ATP8A2: variants seen among roughly 807,000 people sequenced by gnomAD.
The protein encoded by ATP8A2 is ATPase phospholipid transporting 8A2, also known as phospholipid-transporting ATPase IB.
A neutral mutation model predicts 165.6 loss-of-function variants in ATP8A2; 100 were observed. That is an observed-to-expected ratio of 0.60 (90% confidence interval 0.51 to 0.71). The LOEUF (loss-of-function observed/expected upper bound fraction) is 0.71. Among genes scored for constraint, ATP8A2 ranks in the 30% least tolerant of loss-of-function variants. ATP8A2 has a pLI of 0.00. For missense variants in ATP8A2, 1,227 were observed against 1,479.5 expected (o/e 0.83, Z 2.80); for synonymous variants, 543 against 548.8 (o/e 0.99, Z 0.15).
chr13:25,942,592 T>C (rs1388083834), intron 33 of ATP8A2, among the ~76,000 whole-genome samples: 1 of 152,172 alleles, frequency 6.6e-6, no homozygotes, highest in Admixed American at 6.5e-5. Context: ...CCAGCTAATT[T>C]TTTGTGTTTT....
intron 2 of ATP8A2, among the ~76,000 whole-genome samples, chr13:25,525,157 T>C (rs2037802620): frequency 6.6e-6 from 1 of 152,178 alleles, no homozygotes; most frequent in Admixed American, 6.5e-5. Context: ...CAGAAAGGAA[T>C]AGAAACAATA....
chr13:25,926,569 T>C (rs1476354304), intron 33 of ATP8A2, among the ~76,000 whole-genome samples: 1 of 152,206 alleles, frequency 6.6e-6, no homozygotes, highest in Non-Finnish European at 1.5e-5. Flanking sequence ...TAATAGGTGT[T>C]CAATGGCTGT....
chr13:26,012,582 G>A lies in ATP8A2; in HGVS notation c.3429G>A (p.Pro1143=), dbSNP rs1450040248. The A allele has an allele frequency of 6.5e-7, 1 of 1,528,450 alleles. No individual in the cohort carries two copies. Among genetic ancestry groups the A allele is most frequent in the Non-Finnish European group, 8.8e-7 (1 of 1,138,024 alleles). The allele number at this position is 1,528,450 out of a possible 1,614,324, so 94.7% of individuals were successfully genotyped here. The change falls in exon 36 of 37, where the codon CCG becomes CCA. Residue 1143 remains proline (P), a synonymous_variant. Transcript: ENST00000381655. ...LIKRLGRKTP[P]TLFRGSSLQQ... Reference sequence around the variant, plus strand: ...AGAGGCTGGGCCGGAAGACGCCCCCGACGCTGTTCCGGGGCAGCTCCCTGC... The same window carrying A: ...AGAGGCTGGGCCGGAAGACGCCCCCAACGCTGTTCCGGGGCAGCTCCCTGC...
intron 35 of ATP8A2, among the ~76,000 whole-genome samples, chr13:25,984,475 A>G (rs1332809226): frequency 6.6e-6 from 1 of 151,972 alleles, no homozygotes; most frequent in South Asian, 2.1e-4. Flanking sequence ...GTGGTGGTGC[A>G]CACCTGTAAT....
intron 2 of ATP8A2, among the ~76,000 whole-genome samples, chr13:25,487,247 C>T (rs987197947): frequency 6.6e-6 from 1 of 152,098 alleles, no homozygotes; most frequent in African/African-American, 2.4e-5. Flanking sequence ...CTGTCATGTA[C>T]CTCTCATTTC....
Position 25,918,175 on chromosome 13 carries a change from A to G in ATP8A2, c.3184-43400A>G, listed in dbSNP as rs549146743. Among the ~76,000 whole-genome samples the G allele has an allele frequency of 1.2e-4, 18 of 152,340 alleles. No individual in the cohort carries two copies. In the South Asian group the frequency reaches 1.9e-3, roughly 16 times the overall value. ...GGAGCATTTCAGAAATAAAAGGGCA[A>G]TGGTGCAGCTTGAAGGATAGGCTTC... On this transcript the variant is annotated intron_variant, in intron 33 of 36. Coordinates refer to ENST00000381655, the MANE Select transcript of ATP8A2 (RefSeq NM_016529.6).
rs147663872 is a variant in ATP8A2, at chr13:25,606,422, C to T, written c.2211+16723C>T. Among the ~76,000 whole-genome samples, 765 of 152,280 alleles carry T rather than the reference C, an allele frequency of 5.0e-3. 8 individuals carry two copies. The highest frequency in any genetic ancestry group is 0.02 in the South Asian group (98 of 4,828). On this transcript the variant is annotated intron_variant, in intron 24 of 36. Coordinates refer to ENST00000381655, the MANE Select transcript of ATP8A2 (RefSeq NM_016529.6). The stretch of plus-strand genomic sequence containing the variant: ...ATTGGCAGGTAAAAACTAAAGCCTA[C>T]TCTATAAGTTGGAACATGGTTATTA...
intron 1 of ATP8A2, among the ~76,000 whole-genome samples, chr13:25,465,705 T>C (rs867341690): frequency 4.8e-5 from 1 of 20,986 alleles, no homozygotes; most frequent in African/African-American, 1.3e-4. Flanking sequence ...CTTTCTTTCT[T>C]TCTTTCTTTC....
chr13:25,923,697 A>T (rs1200000618), intron 33 of ATP8A2, among the ~76,000 whole-genome samples: 6 of 152,108 alleles, frequency 3.9e-5, no homozygotes, highest in Non-Finnish European at 8.8e-5. Context: ...AAAATAATAA[A>T]AAAAAATGGA....
chr13:25,577,423 A>G (rs1165481448), intron 20 of ATP8A2, among the ~76,000 whole-genome samples: 6 of 152,232 alleles, frequency 3.9e-5, no homozygotes, highest in Admixed American at 3.9e-4. Context: ...TTCTTATTCC[A>G]GTTTTACCAG....
intron 34 of ATP8A2, among the ~76,000 whole-genome samples, chr13:25,966,314 C>T (rs965054373): frequency 6.6e-6 from 1 of 152,242 alleles, no homozygotes; most frequent in Admixed American, 6.5e-5. Flanking sequence ...CAAACGCCAG[C>T]TCCTGGTAAG....
At chr13:25,936,946 G>A (rs562357544) in intron 33 of ATP8A2, among the ~76,000 whole-genome samples, 6 of 152,254 alleles carry the variant, frequency 3.9e-5, no homozygotes, top group African/African-American at 1.4e-4. Flanking sequence ...TCCGCTTATT[G>A]AAGCAGCAGA....
chr13:25,866,780 A>G (rs1438641574), intron 33 of ATP8A2, among the ~76,000 whole-genome samples: 1 of 152,214 alleles, frequency 6.6e-6, no homozygotes, highest in East Asian at 1.9e-4. Flanking sequence ...CTGCTTTAAA[A>G]CACCTAAAAT....
intron 27 of ATP8A2, among the ~76,000 whole-genome samples, chr13:25,816,925 C>T (rs1951036908): frequency 6.6e-6 from 1 of 152,088 alleles, no homozygotes; most frequent in Non-Finnish European, 1.5e-5. Flanking sequence ...ATCTTACTGT[C>T]AATAAGTTAA....
chr13:25,887,310 A>G (rs181628744), intron 33 of ATP8A2, among the ~76,000 whole-genome samples: 2 of 152,124 alleles, frequency 1.3e-5, no homozygotes, highest in South Asian at 2.1e-4. Flanking sequence ...ATGACATCAG[A>G]TCATAAGGAA....
chr13:25,880,680 A>G (rs1383642645), intron 33 of ATP8A2, among the ~76,000 whole-genome samples: 1 of 152,190 alleles, frequency 6.6e-6, no homozygotes, highest in East Asian at 1.9e-4. Flanking sequence ...TTCCATTCCC[A>G]GGAGCTACTA....
chr13:25,954,412 G>C (rs1221349794), intron 33 of ATP8A2, among the ~76,000 whole-genome samples: 5 of 152,212 alleles, frequency 3.3e-5, no homozygotes, highest in Admixed American at 3.3e-4. Context: ...CTGGGGGAAG[G>C]GGCAGCTGTG....
chr13:25,555,180 C>A, intron 13 of ATP8A2, 112 bp downstream of exon 13: 2 of 727,604 alleles, frequency 2.7e-6, no homozygotes, highest in Non-Finnish European at 4.9e-6. Context: ...ATGAACATGG[C>A]TAGAACATCT....
intron 25 of ATP8A2, among the ~76,000 whole-genome samples, chr13:25,754,816 G>A (rs139436316): frequency 6.6e-6 from 1 of 152,096 alleles, no homozygotes; most frequent in Non-Finnish European, 1.5e-5. Context: ...TAAGAAAAAT[G>A]GTCTTCTGTT....
Sources: allele counts gnomAD v4.1 joint callset (sites outside exome capture counted in the v4.1 genomes callset), GRCh38; gene constraint gnomAD v4.1.1; transcripts MANE v1.5; gene names NCBI Gene and HGNC (gene_info 2026-07-23, HGNC 2026-07-21).